The following PSEN2 variants were observed in gnomAD, a reference collection of about 807,000 sequenced individuals.
PSEN2 encodes presenilin 2.
In PSEN2, 32 loss-of-function variants were observed where a neutral mutation model predicts 49.1. The observed-to-expected ratio is 0.65, with a 90% CI of 0.49 to 0.88. PSEN2 has a LOEUF of 0.88. Ranked by LOEUF, PSEN2 falls within the 40% of genes least tolerant of loss-of-function variation. The pLI is 0.00. For missense variants in PSEN2, 522 were observed against 586.9 expected (o/e 0.89, Z 1.14); for synonymous variants, 255 against 244.0 (o/e 1.05, Z -0.42).
At chr1:226,872,553 T>C (rs2102646710) in intron 2 of PSEN2, among the ~76,000 whole-genome samples, 2 of 152,336 alleles carry the variant, frequency 1.3e-5, no homozygotes, top group Middle Eastern at 3.4e-3. Context: ...CCACTACTGC[T>C]GGGAAAGTTT....
intron 3 of PSEN2, among the ~76,000 whole-genome samples, chr1:226,876,835 T>C (rs1235233922): frequency 6.6e-6 from 1 of 152,136 alleles, no homozygotes; most frequent in East Asian, 1.9e-4. Flanking sequence ...CTTACTCCTT[T>C]CAGTTAAGGC....
chr1:226,891,754 T>C lies in PSEN2; in HGVS notation c.982T>C (p.Tyr328His), dbSNP rs994711686. 21 of 1,613,850 alleles carry C rather than the reference T, an allele frequency of 1.3e-5. No individual in the cohort carries two copies. Among genetic ancestry groups the C allele is most frequent in the East Asian group, 2.2e-5 (1 of 44,886 alleles). ...PYDPEMEEDS[Y>H]DSFGEPSYPE... ...TCCTGGACACCCAGAAGAAGACTCC[T>C]ATGACAGTTTTGGGGAGCCTTCATA... Residue 328 changes from tyrosine to histidine, a missense_variant, in exon 11 of 13, where the codon TAT becomes CAT. Physicochemically the swap from Tyr to His is moderately conservative, Grantham distance 83. Coordinates refer to ENST00000366783, the MANE Select transcript of PSEN2 (RefSeq NM_000447.3).
chr1:226,876,941 T>C (rs1660667543), intron 3 of PSEN2, among the ~76,000 whole-genome samples: 1 of 152,200 alleles, frequency 6.6e-6, no homozygotes, highest in Admixed American at 6.5e-5. Context: ...CCAAGAGCTC[T>C]CTTCTCCCCA....
At chr1:226,871,845 T>C (rs1224660388) in intron 2 of PSEN2, among the ~76,000 whole-genome samples, 1 of 152,242 alleles carries the variant, frequency 6.6e-6, no homozygotes, top group Non-Finnish European at 1.5e-5. Flanking sequence ...GGGCAGCCGG[T>C]GACTGGCGCA....
chr1:226,892,530 G>A (rs951031294), intron 11 of PSEN2, among the ~76,000 whole-genome samples: 8 of 152,180 alleles, frequency 5.3e-5, no homozygotes, highest in East Asian at 3.9e-4. Context: ...CTGCACTGTC[G>A]TAACAGCCCC....
intron 2 of PSEN2, among the ~76,000 whole-genome samples, chr1:226,874,016 G>A (rs966220753): frequency 1.3e-5 from 2 of 152,146 alleles, no homozygotes; most frequent in Admixed American, 1.3e-4. Context: ...TCCCCACCAT[G>A]GAGCCAAACC....
Position 226,889,026 on chromosome 1 carries a change from TC to T in PSEN2, c.766del (p.Leu256TrpfsTer19). The T allele has an allele frequency of 1.2e-6, 2 of 1,613,922 alleles. No individual in the cohort carries two copies. The highest frequency in any genetic ancestry group is 1.7e-6 in the Non-Finnish European group (2 of 1,179,934). On this transcript the variant is annotated frameshift_variant, in exon 8 of 13. Coordinates refer to ENST00000366783, the MANE Select transcript of PSEN2 (RefSeq NM_000447.3). LOFTEE classifies it high-confidence loss of function. ...KYLPEWSAWV[I>X]LGAISVYDLV... ...CTCCCAGAGTGGTCCGCGTGGGTCATCCTGGGCGCCATCTCTGTGTATGGTA... is the reference window on the plus strand; with the variant it reads ...CTCCCAGAGTGGTCCGCGTGGGTCATCTGGGCGCCATCTCTGTGTATGGTA...
intron 7 of PSEN2, 129 bp from the exon 8 acceptor site, chr1:226,888,700 G>C: frequency 1.2e-6 from 1 of 825,856 alleles, no homozygotes. Context: ...ATGGTAAATT[G>C]TAAGGACAGT....
chr1:226,870,629 T>A lies in PSEN2; in HGVS notation c.-370T>A, dbSNP rs1320382787. The A allele has an allele frequency of 6.6e-6, 1 of 152,022 alleles. No homozygotes were observed. The highest frequency in any genetic ancestry group is 1.5e-5 in the Non-Finnish European group (1 of 68,190). The allele number at this position is 152,022 out of a possible 1,614,324, so 9.4% of individuals were successfully genotyped here. ...GCTCAGCCAGCTGCGTAAACTCCGCTGGAGCGCGGCGGCAGAGCAGGTGAG... is the reference window on the plus strand; with the variant it reads ...GCTCAGCCAGCTGCGTAAACTCCGCAGGAGCGCGGCGGCAGAGCAGGTGAG... On this transcript the variant is annotated 5_prime_UTR_variant, in exon 1 of 13. Transcript: ENST00000366783.
chr1:226,885,120 G>C (rs1438105713), intron 5 of PSEN2, among the ~76,000 whole-genome samples: 3 of 151,964 alleles, frequency 2.0e-5, no homozygotes, highest in Non-Finnish European at 1.5e-5. Flanking sequence ...GACAGCAGTT[G>C]CTTCAGCGGA....
chr1:226,883,364 T>C (rs149106598), intron 4 of PSEN2, among the ~76,000 whole-genome samples: 11 of 152,346 alleles, frequency 7.2e-5, no homozygotes, highest in African/African-American at 2.4e-4. Flanking sequence ...CATATCAGTA[T>C]GGCCACATGA....
intron 4 of PSEN2, among the ~76,000 whole-genome samples, chr1:226,883,344 T>C (rs2102671232): frequency 6.6e-6 from 1 of 152,366 alleles, no homozygotes; most frequent in Admixed American, 6.5e-5. Flanking sequence ...TCTCCTGGCC[T>C]GTTTCCTCCC....
At chr1:226,892,882 T>C (rs1661855947) in intron 11 of PSEN2, among the ~76,000 whole-genome samples, 1 of 152,214 alleles carries the variant, frequency 6.6e-6, no homozygotes, top group Non-Finnish European at 1.5e-5. Flanking sequence ...CTTGCTAGAA[T>C]GACTCACAGA....
intron 9 of PSEN2, chr1:226,890,823 T>G: frequency 5.4e-6 from 1 of 184,524 alleles, no homozygotes; most frequent in Non-Finnish European, 1.1e-5. Context: ...TGGGAAAGAG[T>G]TTATGGAACA....
chr1:226,881,796 A>G, intron 3 of PSEN2, 92 bp from the exon 4 acceptor site: 2 of 1,426,978 alleles, frequency 1.4e-6, no homozygotes, highest in Admixed American at 3.3e-5. Context: ...CTTGTGTCCA[A>G]GTCTCCAGGT....
intron 7 of PSEN2, among the ~76,000 whole-genome samples, 172 bp downstream of exon 7, chr1:226,888,330 A>G (rs1411100485): frequency 2.0e-5 from 3 of 152,114 alleles, no homozygotes; most frequent in Admixed American, 6.6e-5. Context: ...GCCTTGACAC[A>G]GGGGAGTGGA....
intron 12 of PSEN2, among the ~76,000 whole-genome samples, chr1:226,902,277 G>A (rs1230716410): frequency 6.6e-6 from 1 of 152,190 alleles, no homozygotes; most frequent in Non-Finnish European, 1.5e-5. Flanking sequence ...CGGAGCTCAG[G>A]TGGTAATGCT....
In PSEN2 at chr1:226,883,765, G is replaced by C; in HGVS notation, c.202G>C (p.Val68Leu). 3 of 1,614,168 alleles carry C rather than the reference G, an allele frequency of 1.9e-6. No individual in the cohort carries two copies. The highest frequency in any genetic ancestry group is 2.5e-6 in the Non-Finnish European group (3 of 1,180,026). ...CCCTGACCGCTATGTCTGTAGTGGG[G>C]TTCCCGGGCGGCCGCCAGGCCTGGA... ...EDPDRYVCSG[V>L]PGRPPGLEEE... The change falls in exon 5 of 13, where the codon GTT (valine) becomes CTT (leucine). Residue 68 changes from valine to leucine, a missense_variant. Val to Leu is a conservative substitution (Grantham distance 32). Coordinates refer to ENST00000366783, the MANE Select transcript of PSEN2 (RefSeq NM_000447.3).
At chr1:226,893,140 G>T (rs114543513) in intron 11 of PSEN2, among the ~76,000 whole-genome samples, 2,063 of 152,158 alleles carry the variant, frequency 0.014, 33 homozygotes, top group African/African-American at 0.038. Flanking sequence ...CTTGTTGCCC[G>T]GGCTGGTTTC....
Sources: allele counts gnomAD v4.1 joint callset (sites outside exome capture counted in the v4.1 genomes callset), GRCh38; gene constraint gnomAD v4.1.1; transcripts MANE v1.5; gene names NCBI Gene and HGNC (gene_info 2026-07-23, HGNC 2026-07-21).